The following EYS variants were observed in gnomAD, a reference collection of about 807,000 sequenced individuals.
The protein encoded by EYS is protein eyes shut homolog.
A neutral mutation model predicts 282.1 loss-of-function variants in EYS; 250 were observed. The ratio of observed to expected loss-of-function variants is 0.89; its 90% confidence interval spans 0.80 to 0.98. EYS has a LOEUF of 0.98. Among genes scored for constraint, EYS ranks in the 50% least tolerant of loss-of-function variants. EYS has a pLI of 0.00. For missense variants in EYS, 4,016 were observed against 3,709.0 expected (o/e 1.08, Z -2.15); for synonymous variants, 1,355 against 1,282.9 (o/e 1.06, Z -1.20).
chr6:64,000,642 A>G (rs555305529), intron 33 of EYS, among the ~76,000 whole-genome samples: 2 of 152,262 alleles, frequency 1.3e-5, no homozygotes, highest in East Asian at 3.9e-4. Context: ...AACTTTGTTG[A>G]CTTAGTTGAA....
At chr6:64,170,439 G>C (rs1392498439) in intron 31 of EYS, among the ~76,000 whole-genome samples, 1 of 151,984 alleles carries the variant, frequency 6.6e-6, no homozygotes, top group Non-Finnish European at 1.5e-5. Context: ...CAAGGCATCA[G>C]CAAGGCCATA....
chr6:63,768,626 T>G (rs778754894), intron 40 of EYS, among the ~76,000 whole-genome samples: 8 of 152,190 alleles, frequency 5.3e-5, no homozygotes, highest in Non-Finnish European at 1.2e-4. Context: ...ACATTGCTAG[T>G]GGGAATGTAA....
At chr6:65,124,608 C>A (rs1308663646) in intron 12 of EYS, among the ~76,000 whole-genome samples, 1 of 151,886 alleles carries the variant, frequency 6.6e-6, no homozygotes, top group Non-Finnish European at 1.5e-5. Context: ...ATCATAGTGA[C>A]AGTTGCATTA....
chr6:63,953,872 G>C (rs528470411), intron 35 of EYS, among the ~76,000 whole-genome samples: 2 of 152,276 alleles, frequency 1.3e-5, no homozygotes, highest in Admixed American at 1.3e-4. Flanking sequence ...TGGCCTTACT[G>C]TTTTAGCGTA....
chr6:64,844,252 T>C (rs1339834194), intron 19 of EYS, among the ~76,000 whole-genome samples: 2 of 152,136 alleles, frequency 1.3e-5, no homozygotes, highest in Non-Finnish European at 2.9e-5. Context: ...TTTGTGTATA[T>C]CGTCGTTCTT....
chr6:64,733,941 TATTA>T (rs1459866479), intron 22 of EYS: 1 of 153,882 alleles, frequency 6.5e-6, no homozygotes, highest in Non-Finnish European at 1.4e-5. Flanking sequence ...GAGCAAGCTA[TATTA>T]ATTTATTTTT....
chr6:64,328,471 G>C (rs1289874396), intron 29 of EYS, among the ~76,000 whole-genome samples: 1 of 152,164 alleles, frequency 6.6e-6, no homozygotes, highest in African/African-American at 2.4e-5. Flanking sequence ...TCAGAGGTCT[G>C]CCAGAAGCCA....
intron 35 of EYS, among the ~76,000 whole-genome samples, chr6:63,928,313 A>G (rs1410209536): frequency 1.3e-5 from 2 of 152,192 alleles, no homozygotes; most frequent in African/African-American, 2.4e-5. Flanking sequence ...AAAGTACATA[A>G]TGCTATACTG....
intron 40 of EYS, among the ~76,000 whole-genome samples, chr6:63,764,236 T>C (rs553495164): frequency 2.4e-4 from 36 of 152,116 alleles, no homozygotes; most frequent in African/African-American, 8.4e-4. Flanking sequence ...ATTTATGTCA[T>C]AGACTTTTAT....
intron 12 of EYS, among the ~76,000 whole-genome samples, chr6:65,112,047 T>C (rs1394524405): frequency 6.6e-6 from 1 of 152,152 alleles, no homozygotes; most frequent in Admixed American, 6.6e-5. Context: ...TTTTAACAAC[T>C]TGCCAAACGC....
At chr6:65,184,610 C>A (rs1765472531) in intron 12 of EYS, among the ~76,000 whole-genome samples, 1 of 150,770 alleles carries the variant, frequency 6.6e-6, no homozygotes, top group Admixed American at 6.6e-5. Flanking sequence ...TAAAAATAAT[C>A]ATTGTAATTC....
At chr6:64,842,070 C>G (rs534987205) in intron 19 of EYS, among the ~76,000 whole-genome samples, 70 of 152,130 alleles carry the variant, frequency 4.6e-4, no homozygotes, top group Admixed American at 6.6e-4. Context: ...CACCAAATAT[C>G]ATCAGTGTTT....
chr6:65,019,809 A>T (rs1370040142), intron 13 of EYS, among the ~76,000 whole-genome samples: 2 of 152,188 alleles, frequency 1.3e-5, no homozygotes, highest in African/African-American at 4.8e-5. Context: ...TAAAGGAAAG[A>T]GGATTAATTG....
At chr6:65,488,212 C>T (rs1467683691) in intron 5 of EYS, among the ~76,000 whole-genome samples, 1 of 152,020 alleles carries the variant, frequency 6.6e-6, no homozygotes, top group Non-Finnish European at 1.5e-5. Flanking sequence ...TTGTCTTCTG[C>T]TAGCTTTTGA....
At chr6:64,758,718 A>G (rs757868722) in intron 22 of EYS, among the ~76,000 whole-genome samples, 15 of 152,190 alleles carry the variant, frequency 9.9e-5, no homozygotes, top group African/African-American at 1.4e-4. Flanking sequence ...ACACCCAGCT[A>G]GGAGAATAAT....
chr6:63,887,021 G>T (rs1169680229), intron 35 of EYS, among the ~76,000 whole-genome samples: 2 of 152,144 alleles, frequency 1.3e-5, no homozygotes, highest in African/African-American at 4.8e-5. Context: ...CATTCAAAGG[G>T]CAGGTAGGTC....
intron 30 of EYS, among the ~76,000 whole-genome samples, chr6:64,303,039 A>G (rs1046018278): frequency 6.6e-6 from 1 of 152,050 alleles, no homozygotes; most frequent in Non-Finnish European, 1.5e-5. Flanking sequence ...GAAAAAGACA[A>G]CTCAAGAGGC....
At chr6:63,832,058 T>C (rs1386349676) in intron 36 of EYS, among the ~76,000 whole-genome samples, 2 of 151,932 alleles carry the variant, frequency 1.3e-5, no homozygotes, top group African/African-American at 2.4e-5. Flanking sequence ...CTGGGATAAA[T>C]TTAAAGCAGT....
At chr6:65,350,785 T>C (rs540128349) in intron 9 of EYS, among the ~76,000 whole-genome samples, 1 of 151,816 alleles carries the variant, frequency 6.6e-6, no homozygotes, top group African/African-American at 2.4e-5. Flanking sequence ...TGTCGACCAA[T>C]TGTCCTTGAA....
Sources: allele counts gnomAD v4.1 joint callset (sites outside exome capture counted in the v4.1 genomes callset), GRCh38; gene constraint gnomAD v4.1.1; transcripts MANE v1.5; gene names NCBI Gene and HGNC (gene_info 2026-07-23, HGNC 2026-07-21).